The following EPHA3 variants were observed in gnomAD, a reference collection of about 807,000 sequenced individuals.
The protein encoded by EPHA3 is ephrin type-A receptor 3.
A neutral mutation model predicts 107.1 loss-of-function variants in EPHA3; 42 were observed. That is an observed-to-expected ratio of 0.39 (90% CI 0.31 to 0.51). The LOEUF is 0.51. Among genes scored for constraint, EPHA3 ranks in the 20% least tolerant of loss-of-function variants. The pLI, the probability that EPHA3 is intolerant of heterozygous loss-of-function variation, is 0.78. For missense variants in EPHA3, 1,183 were observed against 1,211.2 expected (o/e 0.98, Z 0.35); for synonymous variants, 461 against 424.8 (o/e 1.09, Z -1.05).
intron 2 of EPHA3, among the ~76,000 whole-genome samples, chr3:89,132,351 GAA>G (rs1704224377): frequency 6.6e-6 from 1 of 152,212 alleles, no homozygotes; most frequent in Non-Finnish European, 1.5e-5. Flanking sequence ...TTACAGGATA[GAA>G]TGTTTTATCT....
chr3:89,131,558 A>T (rs1463206572), intron 2 of EPHA3, among the ~76,000 whole-genome samples: 2 of 152,194 alleles, frequency 1.3e-5, no homozygotes, highest in African/African-American at 4.8e-5. Context: ...AGGTTGAGCT[A>T]CACAGTTTTC....
intron 5 of EPHA3, among the ~76,000 whole-genome samples, chr3:89,388,461 G>A (rs1708665865): frequency 1.3e-5 from 2 of 152,168 alleles, no homozygotes; most frequent in Non-Finnish European, 2.9e-5. Flanking sequence ...GGACTCAGGA[G>A]AAACTTTATG....
At chr3:89,142,121 A>G (rs941437528) in intron 2 of EPHA3, among the ~76,000 whole-genome samples, 1 of 151,442 alleles carries the variant, frequency 6.6e-6, no homozygotes, top group Non-Finnish European at 1.5e-5. Context: ...ATTATAAAAT[A>G]TACTCATGAC....
At chr3:89,122,446 A>G (rs936529037) in intron 1 of EPHA3, among the ~76,000 whole-genome samples, 4 of 152,340 alleles carry the variant, frequency 2.6e-5, no homozygotes, top group Non-Finnish European at 4.4e-5. Context: ...ATGATTGTTT[A>G]ATAATTATTT....
chr3:89,430,347 A>G (rs2107535907), intron 12 of EPHA3, among the ~76,000 whole-genome samples: 1 of 152,276 alleles, frequency 6.6e-6, no homozygotes, highest in Admixed American at 6.5e-5. Context: ...AAGACTGAGA[A>G]AGGATATGCT....
chr3:89,388,580 A>G (rs1708668382), intron 5 of EPHA3, among the ~76,000 whole-genome samples: 1 of 152,194 alleles, frequency 6.6e-6, no homozygotes, highest in Non-Finnish European at 1.5e-5. Context: ...CAGCATACAC[A>G]AACAACTGAA....
chr3:89,422,234 G>C (rs888621912), intron 11 of EPHA3, among the ~76,000 whole-genome samples: 5 of 135,736 alleles, frequency 3.7e-5, no homozygotes, highest in East Asian at 2.0e-4. Context: ...CACACACACA[G>C]AGCGATTGTG....
chr3:89,150,301 G>C (rs1329221863), intron 2 of EPHA3, among the ~76,000 whole-genome samples: 1 of 151,966 alleles, frequency 6.6e-6, no homozygotes, highest in African/African-American at 2.4e-5. Flanking sequence ...TTTTAAGCTA[G>C]AAGTAAAGTC....
At chr3:89,126,775 C>T (rs1226604745) in intron 1 of EPHA3, among the ~76,000 whole-genome samples, 2 of 151,472 alleles carry the variant, frequency 1.3e-5, no homozygotes, top group African/African-American at 4.8e-5. Flanking sequence ...TATAAATAAA[C>T]AGATAAATTG....
rs549219172 is a variant in EPHA3 at position 89,414,426 on chromosome 3, C to T, written c.1888+1160C>T. Reference sequence around the variant, plus strand: ...TAAGACTTGAGAGTAAACATATTCGCTGTACATCTGTGCTGATCCAGTGCC... The same window carrying T: ...TAAGACTTGAGAGTAAACATATTCGTTGTACATCTGTGCTGATCCAGTGCC... On this transcript the variant is annotated intron_variant, in intron 10 of 16. Transcript: ENST00000336596. Among the ~76,000 whole-genome samples, 4 of 151,716 alleles carry T rather than the reference C, an allele frequency of 2.6e-5. No individual in the cohort carries two copies. In the East Asian group the frequency reaches 7.8e-4, roughly 29 times the overall value.
intron 2 of EPHA3, among the ~76,000 whole-genome samples, chr3:89,134,759 A>G (rs7428094): frequency 0.57 from 85,895 of 151,930 alleles, 24,637 homozygotes; most frequent in Admixed American, 0.65. Context: ...CTGGACCTTC[A>G]TTAGCAGTTC....
At chr3:89,405,795 A>G (rs938810823) in intron 7 of EPHA3, among the ~76,000 whole-genome samples, 4 of 152,158 alleles carry the variant, frequency 2.6e-5, no homozygotes, top group African/African-American at 9.7e-5. Context: ...TGCAAATAAG[A>G]GCATAAAAGA....
intron 2 of EPHA3, among the ~76,000 whole-genome samples, chr3:89,171,895 TG>T (rs1195645983): frequency 6.6e-6 from 1 of 152,160 alleles, no homozygotes; most frequent in Non-Finnish European, 1.5e-5. Context: ...AGCGGGTCAT[TG>T]TGTAAGCCTG....
At chr3:89,238,764 T>A (rs1704828235) in intron 3 of EPHA3, among the ~76,000 whole-genome samples, 1 of 152,186 alleles carries the variant, frequency 6.6e-6, no homozygotes, top group African/African-American at 2.4e-5. Flanking sequence ...CTTACTTCAT[T>A]TCCATAACTT....
intron 5 of EPHA3, among the ~76,000 whole-genome samples, chr3:89,379,826 G>T (rs1708466310): frequency 6.6e-6 from 1 of 152,038 alleles, no homozygotes; most frequent in South Asian, 2.1e-4. Flanking sequence ...ATTTTTATGT[G>T]TGAGTAAATT....
chr3:89,399,512 G>T, intron 7 of EPHA3, 32 bp downstream of exon 7: 1 of 1,604,940 alleles, frequency 6.2e-7, no homozygotes. Flanking sequence ...TCTAGAGGAG[G>T]GGGCAGGGAT....
chr3:89,300,815 C>A (rs147001355), intron 3 of EPHA3, among the ~76,000 whole-genome samples: 8 of 152,186 alleles, frequency 5.3e-5, no homozygotes, highest in African/African-American at 1.9e-4. Context: ...GGGAACCTCT[C>A]AAATAAAATG....
In EPHA3 at chr3:89,368,329, A is replaced by G. The variant is rs1273042066; in HGVS notation, c.1306+26239A>G. Among the ~76,000 whole-genome samples, 3 of 150,606 alleles carry G rather than the reference A, an allele frequency of 2.0e-5. 1 individual carries two copies. The highest frequency in any genetic ancestry group is 7.3e-5 in the African/African-American group (3 of 41,278). ...ACAAAGCAGAACTATAAGGTAGTAT[A>G]TTAGTTAGGGCACTCCAGAAAAACA... On this transcript the variant is annotated intron_variant, in intron 5 of 16. Coordinates refer to ENST00000336596, the MANE Select transcript of EPHA3 (RefSeq NM_005233.6).
chr3:89,269,163 T>C (rs1705603853), intron 3 of EPHA3, among the ~76,000 whole-genome samples: 1 of 152,110 alleles, frequency 6.6e-6, no homozygotes, highest in Admixed American at 6.6e-5. Context: ...TTTAAGTGCC[T>C]TACGTGGGGT....
Sources: gnomAD v4.1 joint callset for allele counts (sites outside exome capture counted in the v4.1 genomes callset) on GRCh38, gnomAD v4.1.1 for gene constraint, MANE v1.5 for transcripts, NCBI Gene and HGNC (gene_info 2026-07-23, HGNC 2026-07-21) for gene names.